The following TBC1D4 variants were observed in gnomAD, a reference collection of about 807,000 sequenced individuals.
TBC1D4 encodes the protein TBC1 domain family member 4, also known as TBC (Tre-2, BUB2, CDC16) domain-containing protein.
TBC1D4 carries 121 observed loss-of-function variants against 142.5 expected under a neutral mutation model. That is an observed-to-expected ratio of 0.85 (90% CI 0.73 to 0.99). The LOEUF (loss-of-function observed/expected upper bound fraction) is 0.99, where lower values mean the gene tolerates loss of function less well. Among genes scored for constraint, TBC1D4 ranks in the 50% least tolerant of loss-of-function variants. TBC1D4 has a pLI of 0.00. For synonymous variants in TBC1D4, 630 were observed against 628.2 expected (o/e 1.00, Z -0.04); for missense variants, 1,475 against 1,606.6 (o/e 0.92, Z 1.40).
intron 1 of TBC1D4, among the ~76,000 whole-genome samples, chr13:75,419,820 T>C (rs1309555516): frequency 6.6e-6 from 1 of 152,202 alleles, no homozygotes; most frequent in African/African-American, 2.4e-5. Flanking sequence ...ATAGATTATA[T>C]GATATGGTGT....
chr13:75,474,360 C>T (rs112540611), intron 1 of TBC1D4, among the ~76,000 whole-genome samples: 21 of 152,280 alleles, frequency 1.4e-4, no homozygotes, highest in African/African-American at 4.8e-4. Flanking sequence ...GAAATCGAGA[C>T]CATCCTGGCT....
At chr13:75,434,503 C>T (rs1234404485) in intron 1 of TBC1D4, among the ~76,000 whole-genome samples, 2 of 151,534 alleles carry the variant, frequency 1.3e-5, no homozygotes, top group African/African-American at 2.4e-5. Flanking sequence ...GGGTGGAGGG[C>T]GGGAGGAGGG....
At chr13:75,450,449 A>G (rs1272592750) in intron 1 of TBC1D4, among the ~76,000 whole-genome samples, 2 of 152,194 alleles carry the variant, frequency 1.3e-5, no homozygotes, top group Admixed American at 1.3e-4. Context: ...GTTTTATCAC[A>G]CCCATACGGA....
At chr13:75,481,054 GGCCGCTCCC>G (rs1423489654) in intron 1 of TBC1D4, among the ~76,000 whole-genome samples, 1 of 152,162 alleles carries the variant, frequency 6.6e-6, no homozygotes, top group Non-Finnish European at 1.5e-5. Flanking sequence ...GTAGCCGGCC[GGCCGCTCCC>G]GCCGCTCGCC....
At position 75,346,889 on chromosome 13, in the gene TBC1D4, T is replaced by C. The variant is rs1881193711; in HGVS notation, c.1408+2281A>G. 2.0e-5 allele frequency among the ~76,000 whole-genome samples: 3 copies of C among 152,366 alleles called. No homozygotes were observed. The South Asian group carries it at 6.2e-4, about 32-fold the overall frequency. ...TTTAAGATGCATCCATGTTGACACA[T>C]AGTTCAAATTCATTCCTATTAACTG... On this transcript the variant is annotated intron_variant, in intron 5 of 20. Coordinates refer to ENST00000377636, the MANE Select transcript of TBC1D4 (RefSeq NM_014832.5).
intron 1 of TBC1D4, 75 bp downstream of exon 1, chr13:75,481,195 T>TCCCCCCCCCCCC: frequency 8.5e-6 from 11 of 1,292,710 alleles, no homozygotes; most frequent in Non-Finnish European, 1.2e-5. Flanking sequence ...TAAAGTGGGG[T>TCCCCCCCCCCCC]CCCCGCCCCT....
At chr13:75,308,214 C>A (rs183792463) in intron 14 of TBC1D4, among the ~76,000 whole-genome samples, 20 of 152,258 alleles carry the variant, frequency 1.3e-4, no homozygotes, top group African/African-American at 4.3e-4. Flanking sequence ...AACAGAGAAC[C>A]GATGAAGGTT....
At chr13:75,389,495 CAGAA>C (rs1378423186) in intron 1 of TBC1D4, among the ~76,000 whole-genome samples, 1 of 151,832 alleles carries the variant, frequency 6.6e-6, no homozygotes, top group Non-Finnish European at 1.5e-5. Flanking sequence ...TAAGTAGAAA[CAGAA>C]TAGTTTGTAG....
intron 1 of TBC1D4, among the ~76,000 whole-genome samples, chr13:75,391,957 G>A (rs900131299): frequency 4.6e-5 from 7 of 151,942 alleles, no homozygotes; most frequent in Non-Finnish European, 8.8e-5. Context: ...CCTCTCTCTC[G>A]CTTTCTCTCA....
At chr13:75,420,243 T>A (rs1284486573) in intron 1 of TBC1D4, among the ~76,000 whole-genome samples, 2 of 152,126 alleles carry the variant, frequency 1.3e-5, no homozygotes, top group African/African-American at 2.4e-5. Context: ...ACAAAGGACA[T>A]CTCTTATCTG....
intron 1 of TBC1D4, among the ~76,000 whole-genome samples, chr13:75,383,060 G>A (rs904767556): frequency 4.6e-5 from 7 of 152,154 alleles, no homozygotes; most frequent in African/African-American, 1.7e-4. Flanking sequence ...AGAGGCTCAC[G>A]CCCATAATCC....
chr13:75,436,671 A>C (rs943668258), intron 1 of TBC1D4, among the ~76,000 whole-genome samples: 39 of 151,558 alleles, frequency 2.6e-4, no homozygotes, highest in African/African-American at 8.8e-4. Flanking sequence ...AAAAAAAAAC[A>C]AAAAACATTT....
chr13:75,290,109 A>G (rs990293304), intron 19 of TBC1D4, among the ~76,000 whole-genome samples: 1 of 152,124 alleles, frequency 6.6e-6, no homozygotes, highest in African/African-American at 2.4e-5. Context: ...AATACTTTAT[A>G]TTTTTAATTA....
intron 1 of TBC1D4, among the ~76,000 whole-genome samples, chr13:75,414,843 G>A (rs1885842678): frequency 6.6e-6 from 1 of 152,172 alleles, no homozygotes; most frequent in Non-Finnish European, 1.5e-5. Context: ...GAAAGTATGG[G>A]CCAGGCCTAG....
In TBC1D4 at chr13:75,362,147, G is replaced by A; in HGVS notation, c.959C>T (p.Thr320Ile). 1.2e-6 allele frequency: 2 copies of A among 1,613,514 alleles called. No homozygotes were observed. The highest frequency in any genetic ancestry group is 1.7e-6 in the Non-Finnish European group (2 of 1,179,986). The stretch of plus-strand genomic sequence containing the variant: ...CTCGTGAACTCTCCGTTGCACGCCG[G>A]TGACACTGCTGCACCGAGACCGAAA... ...QEFRSRCSSV[T>I]GVQRRVHEGS... The change falls in exon 2 of 21, where the codon ACC becomes ATC. Residue 320 changes from threonine (T) to isoleucine (I), a missense_variant. Thr to Ile is a moderately conservative substitution (Grantham distance 89). Transcript: ENST00000377636. The surrounding 1 kb of genome is among the most constrained non-coding windows in gnomAD (Gnocchi z 4.2).
intron 1 of TBC1D4, among the ~76,000 whole-genome samples, chr13:75,456,392 G>T (rs1413237991): frequency 6.6e-6 from 1 of 152,024 alleles, no homozygotes; most frequent in Non-Finnish European, 1.5e-5. Flanking sequence ...CAAACTAGAA[G>T]AATGGATTTG....
intron 5 of TBC1D4, 73 bp downstream of exon 5, chr13:75,349,097 G>A (rs1881394756): frequency 6.2e-7 from 1 of 1,606,080 alleles, no homozygotes; most frequent in South Asian, 1.1e-5. Flanking sequence ...ACTATTCAAT[G>A]ACAATAGGGA....
At chr13:75,297,785 A>G (rs1876105622) in intron 17 of TBC1D4, among the ~76,000 whole-genome samples, 2 of 151,926 alleles carry the variant, frequency 1.3e-5, no homozygotes, top group South Asian at 4.1e-4. Flanking sequence ...TAAAAAGATA[A>G]AAAGATACAG....
At chr13:75,345,623 T>C (rs1881085570) in intron 5 of TBC1D4, among the ~76,000 whole-genome samples, 1 of 152,056 alleles carries the variant, frequency 6.6e-6, no homozygotes, top group Admixed American at 6.6e-5. Flanking sequence ...CCGGGCACAG[T>C]GGCTCACAAC....
Sources: gnomAD v4.1 joint callset for allele counts (sites outside exome capture counted in the v4.1 genomes callset) on GRCh38, gnomAD v4.1.1 for gene constraint, Gnocchi (gnomAD v3.1) non-coding constraint, MANE v1.5 for transcripts, NCBI Gene and HGNC (gene_info 2026-07-23, HGNC 2026-07-21) for gene names.